Variants in ERBB4 observed in about 807,000 individuals in gnomAD.
ERBB4 encodes erb-b2 receptor tyrosine kinase 4.
Under a neutral mutation model 158.0 loss-of-function variants are expected in ERBB4, and 42 were observed. The observed-to-expected ratio is 0.27, with a 90% CI of 0.21 to 0.34. ERBB4 has a LOEUF of 0.34. Ranked by LOEUF, ERBB4 falls within the 10% of genes least tolerant of loss-of-function variation. ERBB4 has a pLI of 1.00. For synonymous variants in ERBB4, 583 were observed against 558.7 expected (o/e 1.04, Z -0.61); for missense variants, 1,333 against 1,624.1 (o/e 0.82, Z 3.08).
chr2:211,580,903 ATAT>A (rs1392968885), intron 19 of ERBB4, among the ~76,000 whole-genome samples: 437 of 6,660 alleles, frequency 0.066, 84 homozygotes, highest in African/African-American at 0.36. Context: ...ATATATATAT[ATAT>A]ATATATATAT....
intron 1 of ERBB4, among the ~76,000 whole-genome samples, chr2:212,309,679 A>G (rs1394963704): frequency 6.6e-6 from 1 of 150,678 alleles, no homozygotes; most frequent in Non-Finnish European, 1.5e-5. Context: ...TCTTCAAGTC[A>G]TTAGTTACAT....
chr2:211,525,747 A>T (rs951288867), intron 20 of ERBB4, among the ~76,000 whole-genome samples: 64 of 152,132 alleles, frequency 4.2e-4, no homozygotes, highest in African/African-American at 1.5e-3. Flanking sequence ...GCCTGGCAGC[A>T]TTCACCAGAG....
chr2:211,991,953 G>C (rs189562051), intron 2 of ERBB4, among the ~76,000 whole-genome samples: 1 of 151,890 alleles, frequency 6.6e-6, no homozygotes, highest in African/African-American at 2.4e-5. Context: ...AGGGAGGGAG[G>C]GGACAGGACA....
chr2:211,933,552 T>C (rs1275594029), intron 3 of ERBB4, among the ~76,000 whole-genome samples: 1 of 152,092 alleles, frequency 6.6e-6, no homozygotes, highest in Non-Finnish European at 1.5e-5. Context: ...TTCCCACTGA[T>C]CAATGAAAAT....
At chr2:211,773,631 T>TATATATATATATATATATATATA (rs2075786679) in intron 4 of ERBB4, among the ~76,000 whole-genome samples, 1 of 91,264 alleles carries the variant, frequency 1.1e-5, no homozygotes, top group Admixed American at 1.1e-4. Context: ...TATATATATA[T>TATATATATATATATATATATATA]ATATATATAT....
intron 9 of ERBB4, among the ~76,000 whole-genome samples, chr2:211,706,061 A>G (rs1272922445): frequency 1.3e-5 from 2 of 152,094 alleles, no homozygotes; most frequent in African/African-American, 4.8e-5. Flanking sequence ...TTTTTTTTAA[A>G]GAAATCCACA....
chr2:211,649,662 A>G (rs1479440074), intron 16 of ERBB4, among the ~76,000 whole-genome samples: 1 of 151,926 alleles, frequency 6.6e-6, no homozygotes, highest in Non-Finnish European at 1.5e-5. Flanking sequence ...TTACTCTACT[A>G]AAAGTAACTA....
At chr2:212,337,392 G>T (rs897507756) in intron 1 of ERBB4, among the ~76,000 whole-genome samples, 1 of 152,024 alleles carries the variant, frequency 6.6e-6, no homozygotes, top group Non-Finnish European at 1.5e-5. Context: ...GACTAATGAG[G>T]ATAGCTTTCA....
At chr2:212,055,063 G>C (rs540372891) in intron 2 of ERBB4, among the ~76,000 whole-genome samples, 2 of 152,296 alleles carry the variant, frequency 1.3e-5, no homozygotes, top group South Asian at 4.1e-4. Context: ...AAGGGAAGCA[G>C]TGACGGATGG....
intron 1 of ERBB4, among the ~76,000 whole-genome samples, chr2:212,486,512 C>T (rs181747943): frequency 6.2e-4 from 95 of 152,184 alleles, no homozygotes; most frequent in African/African-American, 2.2e-3. Context: ...ATTAAGTTTG[C>T]CCCACACTTC....
chr2:211,648,255 C>T (rs1485600704), intron 16 of ERBB4, among the ~76,000 whole-genome samples: 2 of 151,600 alleles, frequency 1.3e-5, no homozygotes, highest in African/African-American at 4.8e-5. Flanking sequence ...GCCAGTTACT[C>T]AGGACAAAAA....
intron 2 of ERBB4, among the ~76,000 whole-genome samples, chr2:211,983,503 A>AT (rs1304866213): frequency 6.6e-6 from 1 of 152,198 alleles, no homozygotes; most frequent in Non-Finnish European, 1.5e-5. Context: ...ATGCTAGATC[A>AT]TTTTGTCATG....
chr2:212,205,308 G>A lies in ERBB4; in HGVS notation c.83-80405C>T, dbSNP rs900787098. On this transcript the variant is annotated intron_variant, in intron 1 of 27. Transcript: ENST00000342788. ...CCCAAGTAGCTAGGATTGCAGGTGC[G>A]TGCCACCACGCCAGCCAATTTTTGC... Among the ~76,000 whole-genome samples the A allele has an allele frequency of 5.3e-5, 8 of 152,200 alleles. No homozygotes were observed. The East Asian group carries it at 7.7e-4, about 15-fold the overall frequency.
chr2:211,811,722 C>CT (rs923696808), intron 3 of ERBB4, among the ~76,000 whole-genome samples: 15 of 151,376 alleles, frequency 9.9e-5, no homozygotes, highest in East Asian at 5.8e-4. Context: ...TCTTTTTACT[C>CT]TTTTTTTTTC....
chr2:212,385,174 C>A (rs1437751689), intron 1 of ERBB4, among the ~76,000 whole-genome samples: 3 of 151,528 alleles, frequency 2.0e-5, no homozygotes, highest in African/African-American at 7.3e-5. Context: ...TAAAAGACTG[C>A]AGGCAATGGC....
intron 26 of ERBB4, among the ~76,000 whole-genome samples, chr2:211,387,422 A>T (rs1016491263): frequency 5.9e-5 from 9 of 152,332 alleles, no homozygotes; most frequent in Middle Eastern, 3.4e-3. Context: ...AATGTATTTG[A>T]TGCCCTTTTC....
chr2:212,183,036 A>G (rs1158891639), intron 1 of ERBB4, among the ~76,000 whole-genome samples: 2 of 151,864 alleles, frequency 1.3e-5, no homozygotes, highest in Non-Finnish European at 2.9e-5. Flanking sequence ...GAAAAAGGTT[A>G]TGAGTTTCAA....
intron 1 of ERBB4, among the ~76,000 whole-genome samples, chr2:212,222,344 A>G (rs997707120): frequency 2.0e-5 from 3 of 151,588 alleles, no homozygotes; most frequent in African/African-American, 7.2e-5. Context: ...TCTCATTCAC[A>G]TTTAAAAAAT....
At chr2:212,217,940 G>C (rs2083155632) in intron 1 of ERBB4, among the ~76,000 whole-genome samples, 1 of 151,190 alleles carries the variant, frequency 6.6e-6, no homozygotes. Context: ...AAGACAGAAT[G>C]TTGAATCAGC....
Sources: allele counts gnomAD v4.1 joint callset (sites outside exome capture counted in the v4.1 genomes callset), GRCh38; gene constraint gnomAD v4.1.1; transcripts MANE v1.5; gene names NCBI Gene and HGNC (gene_info 2026-07-23, HGNC 2026-07-21).